The following TUBB6 variants were observed in gnomAD, a reference collection of about 807,000 sequenced individuals.
TUBB6 encodes the protein tubulin beta 6 class V, also known as tubulin beta-6 chain.
Under a neutral mutation model 32.3 loss-of-function variants are expected in TUBB6, and 18 were observed. The observed-to-expected ratio is 0.56, with a 90% confidence interval of 0.39 to 0.83. The LOEUF is 0.83. TUBB6 is among the 40% of genes least tolerant of loss of function. TUBB6 has a pLI of 0.00. For missense variants in TUBB6, 480 were observed against 632.0 expected, an observed-to-expected ratio of 0.76 and a Z score of 2.58; for synonymous variants, 280 against 265.8, an observed-to-expected ratio of 1.05 and a Z score of -0.52.
At chr18:12,312,725 A>C (rs1482728576) in intron 3 of TUBB6, among the ~76,000 whole-genome samples, 1 of 149,558 alleles carries the variant, frequency 6.7e-6, no homozygotes, top group African/African-American at 2.4e-5. Flanking sequence ...GGAAGCCAGG[A>C]GCAGTAGCTA....
rs781715066 is a variant in TUBB6 at position 12,325,859 on chromosome 18, C to T, written c.1070C>T (p.Pro357Leu). The T allele has an allele frequency of 2.5e-6, 4 of 1,614,186 alleles. No individual in the cohort carries two copies. Among genetic ancestry groups the T allele is most frequent in the Non-Finnish European group, 3.4e-6 (4 of 1,180,046 alleles). Residue 357 changes from proline (P) to leucine (L), a missense_variant, in exon 4 of 4, where the codon CCG becomes CTG. By Grantham distance (98) the Pro-to-Leu change is moderately conservative (BLOSUM62 -3). Coordinates refer to ENST00000317702, the MANE Select transcript of TUBB6 (RefSeq NM_032525.3). ...GTGAAGGTGGCCGTGTGCGACATCCCGCCCCGCGGCCTGAAGATGGCCTCC... is the reference window on the plus strand; with the variant it reads ...GTGAAGGTGGCCGTGTGCGACATCCTGCCCCGCGGCCTGAAGATGGCCTCC... ...NNVKVAVCDI[P>L]PRGLKMASTF...
chr18:12,329,720 G>T, downstream of TUBB6: 1 of 1,614,086 alleles, frequency 6.2e-7, no homozygotes, highest in Non-Finnish European at 8.5e-7. Context: ...AATGGTCTGG[G>T]GCCCAAAAGT....
intron 2 of TUBB6, 56 bp downstream of exon 2, chr18:12,308,851 C>A: frequency 8.3e-7 from 1 of 1,198,370 alleles, no homozygotes; most frequent in Non-Finnish European, 1.2e-6. Flanking sequence ...GACGCTCCGG[C>A]GCCGCCTCTT....
At chr18:12,324,759 A>AT (rs1201420023) in intron 3 of TUBB6, 2 of 1,259,594 alleles carry the variant, frequency 1.6e-6, no homozygotes, top group Middle Eastern at 3.0e-4. Flanking sequence ...CCAGTAACTT[A>AT]TTTTTTTAAT....
intron 3 of TUBB6, among the ~76,000 whole-genome samples, chr18:12,314,332 TCTC>T (rs1212628672): frequency 6.6e-6 from 1 of 151,980 alleles, no homozygotes; most frequent in African/African-American, 2.4e-5. Flanking sequence ...TGCCCAGTCT[TCTC>T]CTTGAGGTTC....
chr18:12,308,360 C>T lies in TUBB6; in HGVS notation c.57+11C>T. ...CAGATCGGCACCAAGGTGGGCCTGG[C>T]GCGGTGCAGGGCCTCTCCGCGGGTC... On this transcript the variant is annotated intron_variant, in intron 1 of 3. Coordinates refer to ENST00000317702, the MANE Select transcript of TUBB6 (RefSeq NM_032525.3). 5.5e-6 allele frequency: 8 copies of T among 1,463,980 alleles called. No homozygotes were observed. Among genetic ancestry groups the T allele is most frequent in the East Asian group, 3.0e-5 (1 of 33,408 alleles). The allele number at this position is 1,463,980 out of a possible 1,614,324, so 90.7% of individuals were successfully genotyped here. A position where few individuals can be genotyped will look rare whatever the true frequency, so the allele number is the denominator to read the frequency against.
intron 2 of TUBB6, 49 bp from the exon 3 acceptor site, chr18:12,310,894 C>A (rs1190506933): frequency 2.9e-6 from 4 of 1,398,526 alleles, no homozygotes; most frequent in Non-Finnish European, 4.0e-6. Flanking sequence ...AAGTCAATTA[C>A]TTTAGAAACC....
At chr18:12,328,383 A>G (rs979018846), downstream of TUBB6, among the ~76,000 whole-genome samples, 1 of 152,276 alleles carries the variant, frequency 6.6e-6, no homozygotes, top group Non-Finnish European at 1.5e-5. Flanking sequence ...TTGATAGAAG[A>G]CATAGCAAAT....
intron 3 of TUBB6, among the ~76,000 whole-genome samples, chr18:12,318,215 C>G (rs1032430989): frequency 3.3e-5 from 5 of 151,806 alleles, no homozygotes; most frequent in Non-Finnish European, 4.4e-5. Flanking sequence ...CTTGTTCCTC[C>G]CAATACCTAT....
At position 12,311,529 on chromosome 18, in the gene TUBB6, A is replaced by G. The variant is rs143671080; in HGVS notation, c.277+476A>G. 4.9e-3 allele frequency among the ~76,000 whole-genome samples: 742 copies of G among 152,268 alleles called. 9 individuals carry two copies. The highest frequency in any genetic ancestry group is 0.017 in the African/African-American group (687 of 41,552). ...GGAGAATCGCTGGAACCCGGGAGGT[A>G]GAGGTTGCAGTGAGCTGAGATTGCA... is the stretch of plus-strand genomic sequence containing the variant. On this transcript the variant is annotated intron_variant, in intron 3 of 3. Transcript: ENST00000317702.
chr18:12,316,149 C>T (rs1032712957), intron 3 of TUBB6, among the ~76,000 whole-genome samples: 2 of 152,190 alleles, frequency 1.3e-5, no homozygotes, highest in African/African-American at 2.4e-5. Flanking sequence ...CAGGACCTGG[C>T]CAGGTCTCAA....
At chr18:12,329,536 A>G (rs1907446304), downstream of TUBB6, 1 of 1,600,116 alleles carries the variant, frequency 6.2e-7, no homozygotes, top group South Asian at 1.1e-5. Flanking sequence ...ACCACAGTGG[A>G]CAGACTGAGA....
intron 1 of TUBB6, 83 bp downstream of exon 1, chr18:12,308,432 G>A: frequency 8.8e-7 from 1 of 1,134,216 alleles, no homozygotes; most frequent in Non-Finnish European, 1.1e-6. Flanking sequence ...CCGCCGGGGC[G>A]CGCACCCGCT....
At chr18:12,319,776 G>A (rs1906882272) in intron 3 of TUBB6, among the ~76,000 whole-genome samples, 1 of 151,830 alleles carries the variant, frequency 6.6e-6, no homozygotes, top group Admixed American at 6.6e-5. Flanking sequence ...CAACATAAGG[G>A]GACCCTCTCT....
Position 12,308,707 on chromosome 18 carries a change from T to TG in TUBB6, c.79dup (p.Glu27GlyfsTer27). ...CCAAGTTTTGGGAAGTGATCAGCGA[T>TG]GAGCACGGCATCGACCCGGCCGGAG... On this transcript the variant is annotated frameshift_variant, in exon 2 of 4. Transcript: ENST00000317702. LOFTEE classifies it high-confidence loss of function. 2 of 1,612,624 alleles carry TG rather than the reference T, an allele frequency of 1.2e-6. No individual in the cohort carries two copies. Among genetic ancestry groups the TG allele is most frequent in the Non-Finnish European group, 1.7e-6 (2 of 1,178,932 alleles).
chr18:12,319,435 C>G (rs771721506), intron 3 of TUBB6, among the ~76,000 whole-genome samples: 1 of 151,946 alleles, frequency 6.6e-6, no homozygotes. Context: ...TGTGAGCCAC[C>G]GCGCCCGGCC....
intron 3 of TUBB6, among the ~76,000 whole-genome samples, chr18:12,318,822 A>T (rs1342859021): frequency 6.6e-6 from 1 of 151,996 alleles, no homozygotes; most frequent in Non-Finnish European, 1.5e-5. Context: ...CAGTGGTGTG[A>T]TCATAGCTCA....
Position 12,326,100 on chromosome 18 carries a change from T to G in TUBB6, c.1311T>G (p.Phe437Leu). The G allele has an allele frequency of 1.2e-6, 2 of 1,613,932 alleles. No individual in the cohort carries two copies. The highest frequency in any genetic ancestry group is 1.7e-6 in the Non-Finnish European group (2 of 1,179,920). The change falls in exon 4 of 4, where the codon TTT becomes TTG. Residue 437 changes from phenylalanine (F) to leucine (L), a missense_variant. Coordinates refer to ENST00000317702, the MANE Select transcript of TUBB6 (RefSeq NM_032525.3). Reference protein sequence around the residue: ...DATANDGEEAFEDEEEEIDG With the variant: ...DATANDGEEALEDEEEEIDG ...CCGCCAATGACGGGGAGGAAGCTTT[T>G]GAGGATGAGGAAGAGGAGATCGATG...
chr18:12,326,893 G>A (rs1351967135), downstream of TUBB6, among the ~76,000 whole-genome samples: 4 of 152,132 alleles, frequency 2.6e-5, no homozygotes, highest in Admixed American at 6.5e-5. Flanking sequence ...AAAGGCCTCC[G>A]GACAAAGCCA....
Sources: gnomAD v4.1 joint callset for allele counts (sites outside exome capture counted in the v4.1 genomes callset) on GRCh38, gnomAD v4.1.1 for gene constraint, MANE v1.5 for transcripts, NCBI Gene and HGNC (gene_info 2026-07-23, HGNC 2026-07-21) for gene names.